MCM8: variants seen among roughly 807,000 people sequenced by gnomAD.
The protein encoded by MCM8 is minichromosome maintenance 8 homologous recombination repair factor, also known as DNA helicase MCM8.
In MCM8, 85 loss-of-function variants were observed where a neutral mutation model predicts 98.9. The ratio of observed to expected loss-of-function variants is 0.86; its 90% CI spans 0.72 to 1.03. The LOEUF (loss-of-function observed/expected upper bound fraction) is 1.03, where lower values mean the gene tolerates loss of function less well. Among genes scored for constraint, MCM8 ranks in the 50% least tolerant of loss-of-function variants. The pLI is 0.00. For missense variants in MCM8, 951 were observed against 997.8 expected, an observed-to-expected ratio of 0.95 and a Z score of 0.63; for synonymous variants, 352 against 338.6, an observed-to-expected ratio of 1.04 and a Z score of -0.44.
At chr20:5,981,793 A>G (rs1445820771) in intron 13 of MCM8, among the ~76,000 whole-genome samples, 1 of 152,248 alleles carries the variant, frequency 6.6e-6, no homozygotes, top group African/African-American at 2.4e-5. Flanking sequence ...AAAATTTCCC[A>G]TGAGTGTTTC....
At chr20:5,991,701 T>C (rs572831348) in intron 17 of MCM8, among the ~76,000 whole-genome samples, 30 of 152,322 alleles carry the variant, frequency 2.0e-4, no homozygotes, top group African/African-American at 7.2e-4. Flanking sequence ...CATGCATTCT[T>C]TCCTTAGTTT....
At chr20:5,982,381 G>C (rs981678577) in intron 13 of MCM8, among the ~76,000 whole-genome samples, 1 of 152,132 alleles carries the variant, frequency 6.6e-6, no homozygotes, top group Non-Finnish European at 1.5e-5. Flanking sequence ...TGGGGAGAAA[G>C]GAAGACAAGC....
chr20:5,978,030 AG>A lies in MCM8; in HGVS notation c.1537+16del, dbSNP rs2089550801. 2 of 1,613,884 alleles carry A rather than the reference AG, an allele frequency of 1.2e-6. No individual in the cohort carries two copies. Among genetic ancestry groups the A allele is most frequent in the Non-Finnish European group, 1.7e-6 (2 of 1,179,976 alleles). ...CTTGGTGATCAAGGTGAGAGGCCAA[AG>A]GGAATAATTAGTGATTCTGGGACTT... On this transcript the variant is annotated intron_variant, in intron 13 of 18. Transcript: ENST00000610722.
At chr20:5,961,931 C>G (rs978214185) in intron 7 of MCM8, among the ~76,000 whole-genome samples, 4 of 152,154 alleles carry the variant, frequency 2.6e-5, no homozygotes, top group Non-Finnish European at 5.9e-5. Context: ...CACATCACTC[C>G]AAAACTCAGT....
At position 5,973,165 on chromosome 20, in the gene MCM8, A is replaced by G. The variant is rs568188335; in HGVS notation, c.1364A>G (p.Asp455Gly). Reference protein sequence around the residue: ...RGDPHILVVGDPGLGKSQMLQ... With the variant: ...RGDPHILVVGGPGLGKSQMLQ... ...GACCCCCACATCCTTGTTGTTGGAG[A>G]TCCAGGCCTAGGAAAAAGTCAAATG... is the stretch of plus-strand genomic sequence containing the variant. Residue 455 changes from aspartate (D) to glycine (G), a missense_variant, in exon 12 of 19, where the codon GAT becomes GGT. Transcript: ENST00000610722. 1.9e-6 allele frequency: 3 copies of G among 1,614,204 alleles called. No individual in the cohort carries two copies. Among genetic ancestry groups the G allele is most frequent in the African/African-American group, 2.7e-5 (2 of 75,062 alleles).
intron 8 of MCM8, among the ~76,000 whole-genome samples, 167 bp downstream of exon 8, chr20:5,963,526 T>C (rs1600256726): frequency 1.3e-5 from 1 of 79,150 alleles, no homozygotes; most frequent in Non-Finnish European, 2.0e-5. Context: ...AAAATAATTC[T>C]TTTTTTTTTT....
rs769187514 is a variant in MCM8, at chr20:5,963,325, C to A, written c.841C>A (p.Pro281Thr). 1.2e-6 allele frequency: 2 copies of A among 1,614,042 alleles called. No homozygotes were observed. The highest frequency in any genetic ancestry group is 1.7e-6 in the Non-Finnish European group (2 of 1,180,010). Residue 281 changes from proline (P) to threonine (T), a missense_variant, in exon 8 of 19, where the codon CCT becomes ACT. Physicochemically the swap from Pro to Thr is conservative, Grantham distance 38. Coordinates refer to ENST00000610722, the MANE Select transcript of MCM8 (RefSeq NM_032485.6). ...GTCATTTACTGCTCTCCGCAGCTCT[C>A]CTCTCACAGTTACGATGGACTGGCA... is the stretch of plus-strand genomic sequence containing the variant. ...GRSFTALRSS[P>T]LTVTMDWQSI...
At position 5,995,369 on chromosome 20, in the gene MCM8, A is replaced by G. The variant is rs1272685632; in HGVS notation, c.*978A>G. 6.6e-6 allele frequency: 1 copy of G among 152,250 alleles called. No homozygotes were observed. The highest frequency in any genetic ancestry group is 1.5e-5 in the Non-Finnish European group (1 of 68,072). The allele number at this position is 152,250 out of a possible 1,614,324, so 9.4% of individuals were successfully genotyped here. A position where few individuals can be genotyped will look rare whatever the true frequency, so the allele number is the denominator to read the frequency against. ...TGAACCAGGAGGGTAAGCTTCCAGC[A>G]GCAATTTGTAAAACCATGCCTTAGA... On this transcript the variant is annotated 3_prime_UTR_variant, in exon 19 of 19. Transcript: ENST00000610722.
chr20:5,972,987 A>C, intron 11 of MCM8, 69 bp from the exon 12 acceptor site: 1 of 1,505,138 alleles, frequency 6.6e-7, no homozygotes, highest in Non-Finnish European at 9.1e-7. Context: ...TAGAAGGAGG[A>C]ATACCCCCTT....
intron 12 of MCM8, among the ~76,000 whole-genome samples, chr20:5,974,318 G>T (rs1420443317): frequency 2.6e-5 from 4 of 151,742 alleles, no homozygotes; most frequent in East Asian, 3.9e-4. Context: ...GTAGAGATGG[G>T]GTTTTGCCAT....
At chr20:5,984,480 G>C (rs1413761670) in intron 14 of MCM8, among the ~76,000 whole-genome samples, 1 of 152,166 alleles carries the variant, frequency 6.6e-6, no homozygotes, top group East Asian at 1.9e-4. Flanking sequence ...GCTAACCTCT[G>C]ATATGTCATG....
In MCM8 at chr20:5,963,318, C is replaced by T; in HGVS notation, c.834C>T (p.Arg278=). The T allele has an allele frequency of 2.5e-6, 4 of 1,614,068 alleles. No individual in the cohort carries two copies. Among genetic ancestry groups the T allele is most frequent in the Middle Eastern group, 1.6e-4 (1 of 6,062 alleles). Residue 278 remains arginine (R), a synonymous_variant, in exon 8 of 19, where the codon CGC becomes CGT. Transcript: ENST00000610722. The stretch of plus-strand genomic sequence containing the variant: ...GAGGCAGGTCATTTACTGCTCTCCG[C>T]AGCTCTCCTCTCACAGTTACGATGG... ...VCRGRSFTAL[R]SSPLTVTMDW... is the part of the protein sequence containing the mutation.
At chr20:5,953,622 C>T (rs1358224607) in intron 3 of MCM8, among the ~76,000 whole-genome samples, 1 of 151,896 alleles carries the variant, frequency 6.6e-6, no homozygotes, top group African/African-American at 2.4e-5. Flanking sequence ...TACAGGCACC[C>T]GCCACCACGC....
chr20:5,994,290 T>G lies in MCM8; in HGVS notation c.2431-9T>G. On this transcript the variant is annotated splice_polypyrimidine_tract_variant and intron_variant, in intron 18 of 18. Transcript: ENST00000610722. ...TTAATGGGCTAAACCTTTTGATGTTTTCTTCCAGGTTGCTGATTTTGAAAA... is the reference window on the plus strand; with the variant it reads ...TTAATGGGCTAAACCTTTTGATGTTGTCTTCCAGGTTGCTGATTTTGAAAA... 1 of 1,571,858 alleles carries G rather than the reference T, an allele frequency of 6.4e-7. No homozygotes were observed. The highest frequency in any genetic ancestry group is 8.7e-7 in the Non-Finnish European group (1 of 1,155,598).
At chr20:5,991,589 A>G (rs2089853335) in intron 17 of MCM8, 1 of 152,232 alleles carries the variant, frequency 6.6e-6, no homozygotes, top group African/African-American at 2.4e-5. Flanking sequence ...GAAAAAGAAA[A>G]TAGTTTGATT....
Position 5,987,308 on chromosome 20 carries a change from G to A in MCM8, c.2190G>A (p.Glu730=), listed in dbSNP as rs1216459068. 6.2e-7 allele frequency: 1 copy of A among 1,613,172 alleles called. No homozygotes were observed. Among genetic ancestry groups the A allele is most frequent in the South Asian group, 1.1e-5 (1 of 90,872 alleles). ...TEARARLELR[E]EATKEDAEDI... is the part of the protein sequence containing the mutation. ...CACGAGCAAGGTTGGAATTGAGAGAGGAAGCAACCAAAGAAGACGCTGAGG... is the reference window on the plus strand; with the variant it reads ...CACGAGCAAGGTTGGAATTGAGAGAAGAAGCAACCAAAGAAGACGCTGAGG... Residue 730 remains glutamate, a synonymous_variant, in exon 17 of 19, where the codon GAG becomes GAA. Transcript: ENST00000610722.
intron 13 of MCM8, among the ~76,000 whole-genome samples, chr20:5,981,027 GAC>G (rs772945928): frequency 0.036 from 5,442 of 152,072 alleles, 126 homozygotes; most frequent in Middle Eastern, 0.1. Flanking sequence ...GATTGTAAAG[GAC>G]AAACAAACAA....
At chr20:5,987,219 T>G in intron 16 of MCM8, 63 bp from the exon 17 acceptor site, 1 of 1,493,150 alleles carries the variant, frequency 6.7e-7, no homozygotes, top group Middle Eastern at 1.7e-4. Flanking sequence ...GAAGTAAAGC[T>G]TAGACATACT....
At chr20:5,978,286 T>C (rs967906034) in intron 13 of MCM8, among the ~76,000 whole-genome samples, 2 of 152,026 alleles carry the variant, frequency 1.3e-5, no homozygotes, top group African/African-American at 2.4e-5. Flanking sequence ...TGTAGCTCCC[T>C]GAACTTCCCA....
Sources: gnomAD v4.1 joint callset for allele counts (sites outside exome capture counted in the v4.1 genomes callset) on GRCh38, gnomAD v4.1.1 for gene constraint, MANE v1.5 for transcripts, NCBI Gene and HGNC (gene_info 2026-07-23, HGNC 2026-07-21) for gene names.